STK32B: variants seen among roughly 807,000 people sequenced by gnomAD.
STK32B encodes serine/threonine kinase 32B, also known as serine/threonine-protein kinase 32B.
In STK32B, 43 loss-of-function variants were observed where a neutral mutation model predicts 52.6. That is an observed-to-expected ratio of 0.82 (90% CI 0.64 to 1.05). The LOEUF (loss-of-function observed/expected upper bound fraction) is 1.05. Among genes scored for constraint, STK32B ranks in the 50% least tolerant of loss-of-function variants. The pLI is 0.00. For synonymous variants in STK32B, 238 were observed against 204.3 expected, an observed-to-expected ratio of 1.17 and a Z score of -1.41; for missense variants, 621 against 534.6, an observed-to-expected ratio of 1.16 and a Z score of -1.59.
intron 3 of STK32B, among the ~76,000 whole-genome samples, chr4:5,203,125 A>G (rs892213537): frequency 1.3e-5 from 2 of 152,174 alleles, no homozygotes; most frequent in Non-Finnish European, 2.9e-5. Context: ...TAAAAAGATG[A>G]AGGTATTTCT....
intron 9 of STK32B, among the ~76,000 whole-genome samples, chr4:5,463,929 C>T (rs1224293547): frequency 6.6e-6 from 1 of 152,190 alleles, no homozygotes; most frequent in Non-Finnish European, 1.5e-5. Flanking sequence ...AAAGGAATAA[C>T]TGAGGTTGGG....
chr4:5,095,381 G>A (rs1713328098), intron 1 of STK32B, among the ~76,000 whole-genome samples: 1 of 152,186 alleles, frequency 6.6e-6, no homozygotes, highest in South Asian at 2.1e-4. Flanking sequence ...TTGGAAGGTC[G>A]AGGTGGGCGG....
At chr4:5,296,584 C>A (rs898727605) in intron 3 of STK32B, among the ~76,000 whole-genome samples, 2 of 152,084 alleles carry the variant, frequency 1.3e-5, no homozygotes. Flanking sequence ...GGGATTGCAA[C>A]CCCTGCTGTT....
intron 5 of STK32B, among the ~76,000 whole-genome samples, chr4:5,412,779 G>A (rs891656059): frequency 3.3e-5 from 5 of 152,142 alleles, no homozygotes; most frequent in African/African-American, 1.2e-4. Context: ...GGAGCCAGGG[G>A]TTGCATTTTC....
intron 1 of STK32B, among the ~76,000 whole-genome samples, chr4:5,096,106 A>C (rs1713377482): frequency 6.6e-6 from 1 of 152,184 alleles, no homozygotes; most frequent in African/African-American, 2.4e-5. Context: ...TATAATACTA[A>C]AAAAATTGTT....
intron 3 of STK32B, among the ~76,000 whole-genome samples, chr4:5,300,948 G>A (rs1414402434): frequency 2.6e-5 from 4 of 151,530 alleles, no homozygotes; most frequent in Admixed American, 2.6e-4. Flanking sequence ...AAATTAGGGG[G>A]ACACCTCCTT....
At chr4:5,334,369 G>C (rs2108959248) in intron 4 of STK32B, among the ~76,000 whole-genome samples, 1 of 152,214 alleles carries the variant, frequency 6.6e-6, no homozygotes, top group East Asian at 1.9e-4. Context: ...AGCTTAAGGA[G>C]ATTTTGGGCT....
intron 8 of STK32B, chr4:5,458,440 C>T (rs1443388534): frequency 2.0e-5 from 3 of 152,216 alleles, no homozygotes; most frequent in African/African-American, 7.2e-5. Context: ...GTGTCACTAT[C>T]CCAGTACCAG....
intron 1 of STK32B, among the ~76,000 whole-genome samples, chr4:5,119,265 C>T (rs753229844): frequency 1.3e-5 from 2 of 152,204 alleles, no homozygotes; most frequent in Non-Finnish European, 1.5e-5. Flanking sequence ...CTTTCTGTGC[C>T]TTGTCCTGTG....
rs1256461478 is a variant in STK32B, at chr4:5,159,706, AAT to A, written c.109-8584_109-8583del. 4.6e-3 allele frequency among the ~76,000 whole-genome samples: 447 copies of A among 96,234 alleles called. 60 individuals are homozygous for A. Among genetic ancestry groups the A allele is most frequent in the African/African-American group, 0.025 (416 of 16,786 alleles). 63.1% of individuals were successfully genotyped at this position (96,234 alleles called of 152,430 possible). On this transcript the variant is annotated intron_variant, in intron 2 of 11. Transcript: ENST00000282908. ...ATATGAATATATATGAATATATATGAATATATATATGAATGTATATGAATATA... is the reference window on the plus strand; with the variant it reads ...ATATGAATATATATGAATATATATGAATATATATGAATGTATATGAATATA...
intron 1 of STK32B, among the ~76,000 whole-genome samples, chr4:5,120,789 A>G (rs1010352683): frequency 6.6e-6 from 1 of 151,950 alleles, no homozygotes; most frequent in Non-Finnish European, 1.5e-5. Flanking sequence ...CACTTTACAT[A>G]TGTGTATGAA....
At chr4:5,060,695 G>C (rs1331652648) in intron 1 of STK32B, among the ~76,000 whole-genome samples, 1 of 151,934 alleles carries the variant, frequency 6.6e-6, no homozygotes, top group East Asian at 1.9e-4. Context: ...TTTATTGCAT[G>C]CTTTGTAGTG....
chr4:5,287,780 A>G (rs1442905196), intron 3 of STK32B, among the ~76,000 whole-genome samples: 1 of 152,180 alleles, frequency 6.6e-6, no homozygotes, highest in Admixed American at 6.5e-5. Flanking sequence ...ATAAATTCAC[A>G]TGCCATAAAA....
the STK32B span, among the ~76,000 whole-genome samples, chr4:5,020,123 A>G: frequency 6.6e-6 from 1 of 152,058 alleles, no homozygotes; most frequent in Non-Finnish European, 1.5e-5. Context: ...CTTCTACCTC[A>G]AGCTCCCAGC....
chr4:5,139,999 G>T (rs758626690), intron 2 of STK32B, 39 bp downstream of exon 2: 1 of 1,611,932 alleles, frequency 6.2e-7, no homozygotes, highest in Non-Finnish European at 8.5e-7. Flanking sequence ...GCTTAAGTAT[G>T]TGTGTATATT....
At chr4:5,313,199 A>G (rs937127459) in intron 3 of STK32B, among the ~76,000 whole-genome samples, 4 of 151,916 alleles carry the variant, frequency 2.6e-5, no homozygotes, top group Non-Finnish European at 5.9e-5. Context: ...ACAAATTGAG[A>G]TTCACTATAG....
At chr4:5,266,103 A>G (rs1450156698) in intron 3 of STK32B, among the ~76,000 whole-genome samples, 1 of 152,232 alleles carries the variant, frequency 6.6e-6, no homozygotes, top group African/African-American at 2.4e-5. Flanking sequence ...CCCAATAATC[A>G]AATTCATTAG....
chr4:5,140,742 A>C (rs1716379073), intron 2 of STK32B, among the ~76,000 whole-genome samples: 1 of 152,206 alleles, frequency 6.6e-6, no homozygotes, highest in Non-Finnish European at 1.5e-5. Context: ...GAAGTTGGAT[A>C]GACCCAGACA....
At chr4:5,158,849 A>C (rs1015647412) in intron 2 of STK32B, among the ~76,000 whole-genome samples, 1 of 152,080 alleles carries the variant, frequency 6.6e-6, no homozygotes, top group Non-Finnish European at 1.5e-5. Flanking sequence ...ATTTTACCTT[A>C]ATTACCTCTT....
Sources: allele counts gnomAD v4.1 joint callset (sites outside exome capture counted in the v4.1 genomes callset), GRCh38; gene constraint gnomAD v4.1.1; transcripts MANE v1.5; gene names NCBI Gene and HGNC (gene_info 2026-07-23, HGNC 2026-07-21).